Variants in AGBL1 observed in about 807,000 individuals in gnomAD.
AGBL1 encodes the protein cytosolic carboxypeptidase 4.
Under a neutral mutation model 118.9 loss-of-function variants are expected in AGBL1, and 130 were observed. The observed-to-expected ratio is 1.09, with a 90% CI of 0.95 to 1.26. The LOEUF (loss-of-function observed/expected upper bound fraction) is 1.26, where lower values mean the gene tolerates loss of function less well. Among genes scored for constraint, AGBL1 ranks in the 50% most tolerant of loss-of-function variants. The pLI is 0.00. For missense variants in AGBL1, 1,584 were observed against 1,298.1 expected, an observed-to-expected ratio of 1.22 and a Z score of -3.38; for synonymous variants, 555 against 478.9, an observed-to-expected ratio of 1.16 and a Z score of -2.08.
chr15:86,807,224 C>T (rs1213550602), intron 22 of AGBL1, among the ~76,000 whole-genome samples: 3 of 152,124 alleles, frequency 2.0e-5, no homozygotes, highest in African/African-American at 7.2e-5. Flanking sequence ...AGCACTTTAG[C>T]CTTGCAAATA....
chr15:86,219,628 G>T (rs1332026304), intron 5 of AGBL1, among the ~76,000 whole-genome samples: 2 of 151,966 alleles, frequency 1.3e-5, no homozygotes, highest in Non-Finnish European at 2.9e-5. Context: ...TGAGTTCTTT[G>T]TCTTTGTCTC....
At chr15:86,141,914 A>T (rs1285876433) in intron 1 of AGBL1, 90 bp from the exon 2 acceptor site, 19 of 1,279,910 alleles carry the variant, frequency 1.5e-5, no homozygotes, top group Non-Finnish European at 2.0e-5. Context: ...CATGACAGGA[A>T]GTAGAGCTCT....
At chr15:86,792,932 C>A (rs973679514) in intron 22 of AGBL1, among the ~76,000 whole-genome samples, 128 of 152,158 alleles carry the variant, frequency 8.4e-4, no homozygotes, top group African/African-American at 3.0e-3. Context: ...AAGTCAGTCC[C>A]ATTCTATACA....
chr15:86,764,465 T>C (rs1378331826), intron 22 of AGBL1, among the ~76,000 whole-genome samples: 1 of 152,018 alleles, frequency 6.6e-6, no homozygotes, highest in Non-Finnish European at 1.5e-5. Flanking sequence ...TGGATGGAAG[T>C]GTGTTTATGT....
intron 17 of AGBL1, among the ~76,000 whole-genome samples, chr15:86,377,425 G>T (rs943019787): frequency 3.9e-5 from 6 of 152,052 alleles, no homozygotes; most frequent in African/African-American, 1.4e-4. Flanking sequence ...TAGTTCTCAC[G>T]GCCTGAAGAC....
intron 22 of AGBL1, among the ~76,000 whole-genome samples, chr15:86,848,627 A>C (rs755284136): frequency 2.8e-4 from 42 of 152,286 alleles, no homozygotes; most frequent in Non-Finnish European, 4.1e-4. Context: ...AGAATGGGTT[A>C]CCTAAGACTA....
intron 5 of AGBL1, among the ~76,000 whole-genome samples, chr15:86,221,196 C>CA (rs955739895): frequency 4.5e-4 from 67 of 149,506 alleles, no homozygotes; most frequent in Admixed American, 1.1e-3. Context: ...AAAACTCCAT[C>CA]AAAAAAAAAT....
rs1052905115 is a variant in AGBL1, at chr15:86,288,812, C to T, written c.2221-6443C>T. ...GGTGCTGTCTTAAAATCTCCCACTC[C>T]GAGAAGAATTTTTTCTCTTTCTGCT... On this transcript the variant is annotated intron_variant, in intron 16 of 22. Coordinates refer to ENST00000614907, the MANE Select transcript of AGBL1 (RefSeq NM_001386094.1). Among the ~76,000 whole-genome samples the T allele has an allele frequency of 4.6e-5, 7 of 152,120 alleles. No individual in the cohort carries two copies. The South Asian group carries it at 6.2e-4, about 14-fold the overall frequency.
intron 18 of AGBL1, among the ~76,000 whole-genome samples, chr15:86,411,263 G>A (rs565273491): frequency 1.1e-4 from 16 of 149,900 alleles, no homozygotes; most frequent in Admixed American, 7.9e-4. Flanking sequence ...TTCCCCAGCC[G>A]GGGGACTGCC....
chr15:86,414,485 A>T (rs986786192), intron 18 of AGBL1, among the ~76,000 whole-genome samples: 5 of 152,152 alleles, frequency 3.3e-5, no homozygotes, highest in African/African-American at 1.2e-4. Context: ...GTATCTCCAG[A>T]CCAGCATTTT....
intron 21 of AGBL1, among the ~76,000 whole-genome samples, chr15:86,597,372 C>T (rs1000492405): frequency 1.9e-4 from 29 of 152,116 alleles, no homozygotes; most frequent in African/African-American, 6.5e-4. Context: ...AGAAATTTTA[C>T]GAGCTGGCTT....
intron 1 of AGBL1, among the ~76,000 whole-genome samples, chr15:86,106,674 C>T (rs181801332): frequency 6.6e-6 from 1 of 152,362 alleles, no homozygotes; most frequent in Admixed American, 6.5e-5. Flanking sequence ...GAGAACCCCA[C>T]TCGATTCAAT....
At chr15:86,523,450 A>G (rs927415730) in intron 19 of AGBL1, among the ~76,000 whole-genome samples, 6 of 152,272 alleles carry the variant, frequency 3.9e-5, no homozygotes, top group Middle Eastern at 3.4e-3. Context: ...CCCTGTTTCC[A>G]AGTAAGGTTA....
At chr15:86,718,094 A>T (rs1191374063) in intron 22 of AGBL1, among the ~76,000 whole-genome samples, 1 of 152,254 alleles carries the variant, frequency 6.6e-6, no homozygotes, top group East Asian at 1.9e-4. Flanking sequence ...AAACAAAAAA[A>T]TTATTATAGA....
intron 21 of AGBL1, among the ~76,000 whole-genome samples, chr15:86,624,779 T>G (rs561177058): frequency 6.6e-6 from 1 of 152,158 alleles, no homozygotes; most frequent in East Asian, 1.9e-4. Flanking sequence ...CAGGGACTCC[T>G]CTACAAACTC....
intron 23 of AGBL1, among the ~76,000 whole-genome samples, chr15:86,931,274 A>C (rs2080599824): frequency 1.3e-5 from 2 of 152,158 alleles, no homozygotes; most frequent in African/African-American, 4.8e-5. Context: ...GTTGATTTAC[A>C]ATTTTGCCTG....
At chr15:86,545,783 A>G (rs2083571379) in intron 19 of AGBL1, among the ~76,000 whole-genome samples, 1 of 152,190 alleles carries the variant, frequency 6.6e-6, no homozygotes, top group Non-Finnish European at 1.5e-5. Flanking sequence ...CTTAAAGTCT[A>G]CATTCTCCTC....
intron 22 of AGBL1, among the ~76,000 whole-genome samples, chr15:86,742,818 G>T (rs1042872023): frequency 9.2e-5 from 14 of 152,086 alleles, no homozygotes; most frequent in Admixed American, 5.2e-4. Context: ...CTCTGCTTTG[G>T]TCTGTTAGTC....
intron 18 of AGBL1, among the ~76,000 whole-genome samples, chr15:86,488,688 C>A (rs116981621): frequency 6.6e-6 from 1 of 152,036 alleles, no homozygotes; most frequent in Non-Finnish European, 1.5e-5. Flanking sequence ...TTCCTCCCTA[C>A]ATATATACAT....
Sources: gnomAD v4.1 joint callset for allele counts (sites outside exome capture counted in the v4.1 genomes callset) on GRCh38, gnomAD v4.1.1 for gene constraint, MANE v1.5 for transcripts, NCBI Gene and HGNC (gene_info 2026-07-23, HGNC 2026-07-21) for gene names.